Variants in PRTFDC1 observed in about 807,000 individuals in gnomAD.
PRTFDC1 encodes the protein phosphoribosyl transferase domain containing 1.
Under a neutral mutation model 34.6 loss-of-function variants are expected in PRTFDC1, and 38 were observed. The observed-to-expected ratio is 1.10, with a 90% CI of 0.85 to 1.44. The LOEUF (loss-of-function observed/expected upper bound fraction) is 1.44. Among genes scored for constraint, PRTFDC1 ranks in the 40% most tolerant of loss-of-function variants. The pLI is 0.00. For synonymous variants in PRTFDC1, 93 were observed against 98.1 expected, an observed-to-expected ratio of 0.95 and a Z score of 0.31; for missense variants, 270 against 283.0, an observed-to-expected ratio of 0.95 and a Z score of 0.33.
chr10:24,860,641 T>C (rs1847664220), intron 4 of PRTFDC1, among the ~76,000 whole-genome samples: 1 of 152,098 alleles, frequency 6.6e-6, no homozygotes, highest in African/African-American at 2.4e-5. Context: ...ATAAGATTAT[T>C]TTGTCCATTT....
intron 4 of PRTFDC1, 101 bp from the exon 5 acceptor site, chr10:24,858,510 A>G: frequency 8.3e-7 from 1 of 1,204,282 alleles, no homozygotes; most frequent in Middle Eastern, 2.0e-4. Context: ...CAATTTACTT[A>G]GACGGTCCTT....
intron 3 of PRTFDC1, among the ~76,000 whole-genome samples, chr10:24,872,639 T>C (rs1194857549): frequency 6.6e-6 from 1 of 151,622 alleles, no homozygotes; most frequent in Non-Finnish European, 1.5e-5. Flanking sequence ...TCTCAGCCAA[T>C]TTCTGCAGTC....
At chr10:24,938,473 C>T (rs1849091472) in intron 2 of PRTFDC1, among the ~76,000 whole-genome samples, 2 of 152,192 alleles carry the variant, frequency 1.3e-5, no homozygotes, top group South Asian at 2.1e-4. Context: ...CCCCCAGCCC[C>T]TATCCCCAGC....
At position 24,937,457 on chromosome 10, in the gene PRTFDC1, C is replaced by T. The variant is rs114807453; in HGVS notation, c.156-90G>A. 42 of 1,174,892 alleles carry T rather than the reference C, an allele frequency of 3.6e-5. No homozygotes were observed. In the African/African-American group the frequency reaches 3.9e-4, roughly 11 times the overall value. 72.8% of individuals were successfully genotyped at this position (1,174,892 alleles called of 1,614,324 possible). ...AAATGCAAGATGTATTGTACGTATT[C>T]GATTACTCAGAGGAATGTGGGGAAA... On this transcript the variant is annotated intron_variant, in intron 2 of 8. Transcript: ENST00000320152.
At chr10:24,910,912 AC>A (rs1848616742) in intron 3 of PRTFDC1, among the ~76,000 whole-genome samples, 1 of 150,500 alleles carries the variant, frequency 6.6e-6, no homozygotes, top group Non-Finnish European at 1.5e-5. Context: ...TTTTTTTGCA[AC>A]CTCCACCTCC....
intron 7 of PRTFDC1, among the ~76,000 whole-genome samples, chr10:24,853,651 C>T (rs1204048454): frequency 6.6e-6 from 1 of 151,970 alleles, no homozygotes; most frequent in Non-Finnish European, 1.5e-5. Context: ...CTGTTTGTAA[C>T]CAGGGTTATA....
intron 3 of PRTFDC1, among the ~76,000 whole-genome samples, chr10:24,925,145 A>T (rs999500078): frequency 3.9e-5 from 6 of 152,242 alleles, no homozygotes; most frequent in Non-Finnish European, 4.4e-5. Context: ...AGCCATAAAA[A>T]AGGATGAGTT....
chr10:24,858,716 C>T (rs1847623608), intron 4 of PRTFDC1, among the ~76,000 whole-genome samples: 1 of 152,160 alleles, frequency 6.6e-6, no homozygotes, highest in African/African-American at 2.4e-5. Context: ...CTCCCACCCC[C>T]AGCATTCCCT....
At chr10:24,905,516 T>A (rs1214651273) in intron 3 of PRTFDC1, among the ~76,000 whole-genome samples, 2 of 151,922 alleles carry the variant, frequency 1.3e-5, no homozygotes, top group Non-Finnish European at 2.9e-5. Context: ...GAGACAGGGT[T>A]TTGCCATGTT....
chr10:24,927,677 G>A (rs966483196), intron 3 of PRTFDC1, among the ~76,000 whole-genome samples: 1 of 151,042 alleles, frequency 6.6e-6, no homozygotes, highest in African/African-American at 2.4e-5. Flanking sequence ...CACCTCCTGG[G>A]TTCAAGAGAT....
chr10:24,884,117 C>CCA (rs1848126352), intron 3 of PRTFDC1, among the ~76,000 whole-genome samples: 1 of 151,270 alleles, frequency 6.6e-6, no homozygotes, highest in Non-Finnish European at 1.5e-5. Flanking sequence ...CAGGTGTGAG[C>CCA]CACAGTGCCC....
At chr10:24,886,786 C>T (rs1267223066) in intron 3 of PRTFDC1, among the ~76,000 whole-genome samples, 9 of 151,476 alleles carry the variant, frequency 5.9e-5, no homozygotes, top group African/African-American at 2.2e-4. Context: ...TAATTTTTTA[C>T]ACATTTCTAA....
intron 3 of PRTFDC1, among the ~76,000 whole-genome samples, chr10:24,886,872 A>C (rs1026237843): frequency 2.0e-5 from 3 of 151,738 alleles, no homozygotes; most frequent in African/African-American, 7.3e-5. Context: ...TTCCACACAC[A>C]TCAACTTGTG....
At chr10:24,885,471 C>A (rs948418297) in intron 3 of PRTFDC1, among the ~76,000 whole-genome samples, 3 of 152,192 alleles carry the variant, frequency 2.0e-5, no homozygotes, top group Non-Finnish European at 4.4e-5. Context: ...AGTGGCATGA[C>A]CTTGGCTCAC....
At chr10:24,886,165 G>A (rs890544039) in intron 3 of PRTFDC1, among the ~76,000 whole-genome samples, 5 of 152,136 alleles carry the variant, frequency 3.3e-5, no homozygotes, top group Admixed American at 6.5e-5. Context: ...GTTAATGTAG[G>A]TTTTATTGTA....
At chr10:24,860,480 C>T (rs1471981388) in intron 4 of PRTFDC1, among the ~76,000 whole-genome samples, 1 of 152,182 alleles carries the variant, frequency 6.6e-6, no homozygotes, top group African/African-American at 2.4e-5. Context: ...CACCCAACCA[C>T]CAAACCAGCC....
intron 6 of PRTFDC1, among the ~76,000 whole-genome samples, chr10:24,855,950 C>T (rs1242552499): frequency 1.3e-5 from 2 of 151,550 alleles, no homozygotes; most frequent in African/African-American, 4.9e-5. Context: ...CCCATCTTTA[C>T]TAAAAATACA....
intron 3 of PRTFDC1, among the ~76,000 whole-genome samples, chr10:24,878,661 G>A (rs556720969): frequency 2.6e-5 from 4 of 152,272 alleles, no homozygotes; most frequent in African/African-American, 7.2e-5. Context: ...GCCAGATAGC[G>A]CAGCAGGGGA....
At chr10:24,888,050 C>T (rs1191100337) in intron 3 of PRTFDC1, among the ~76,000 whole-genome samples, 1 of 152,184 alleles carries the variant, frequency 6.6e-6, no homozygotes, top group African/African-American at 2.4e-5. Flanking sequence ...ATTTTTGTAT[C>T]TCTATAGAGA....
Sources: allele counts gnomAD v4.1 joint callset (sites outside exome capture counted in the v4.1 genomes callset), GRCh38; gene constraint gnomAD v4.1.1; transcripts MANE v1.5; gene names NCBI Gene and HGNC (gene_info 2026-07-23, HGNC 2026-07-21).